The following SOX5 variants were observed in gnomAD, a reference collection of about 807,000 sequenced individuals.
SOX5 encodes the protein transcription factor SOX-5.
In SOX5, 9 loss-of-function variants were observed where a neutral mutation model predicts 92.0. That is an observed-to-expected ratio of 0.10 (90% CI 0.06 to 0.17). SOX5 has a LOEUF of 0.17. Among genes scored for constraint, SOX5 ranks in the 10% least tolerant of loss-of-function variants. The pLI is 1.00. For synonymous variants in SOX5, 344 were observed against 336.3 expected (o/e 1.02, Z -0.25); for missense variants, 642 against 944.5 (o/e 0.68, Z 4.20).
intron 11 of SOX5, among the ~76,000 whole-genome samples, chr12:23,553,162 ATTCTT>A (rs796570207): frequency 7.2e-5 from 11 of 152,008 alleles, no homozygotes; most frequent in African/African-American, 2.4e-4. Context: ...TAATTCCATA[ATTCTT>A]TTCTTAAATT....
At chr12:23,835,380 G>A (rs1033710702) in intron 3 of SOX5, among the ~76,000 whole-genome samples, 7 of 151,794 alleles carry the variant, frequency 4.6e-5, no homozygotes, top group African/African-American at 1.7e-4. Context: ...GTGATCTCAG[G>A]CATATATATC....
chr12:24,050,951 A>T (rs984529753), intron 4 of SOX5, among the ~76,000 whole-genome samples: 2 of 152,046 alleles, frequency 1.3e-5, no homozygotes, highest in African/African-American at 4.8e-5. Flanking sequence ...TACCAGAATA[A>T]TTTTTCTCCT....
intron 7 of SOX5, among the ~76,000 whole-genome samples, chr12:23,661,114 T>C (rs2082983855): frequency 6.6e-6 from 1 of 152,236 alleles, no homozygotes; most frequent in African/African-American, 2.4e-5. Context: ...TTTATAATTG[T>C]TTGTTTTATA....
chr12:24,233,698 G>A (rs1182748688), intron 3 of SOX5, among the ~76,000 whole-genome samples: 4 of 152,212 alleles, frequency 2.6e-5, no homozygotes, highest in Non-Finnish European at 4.4e-5. Flanking sequence ...AAATAAGACT[G>A]CAGTGAATGA....
intron 4 of SOX5, among the ~76,000 whole-genome samples, chr12:24,110,403 C>A (rs921325473): frequency 2.6e-5 from 4 of 152,150 alleles, no homozygotes; most frequent in African/African-American, 9.7e-5. Flanking sequence ...GTACAGTCAA[C>A]CTAAGTCCCA....
At chr12:24,534,162 TAC>T (rs908074236) in intron 1 of SOX5, among the ~76,000 whole-genome samples, 1 of 152,126 alleles carries the variant, frequency 6.6e-6, no homozygotes, top group African/African-American at 2.4e-5. Flanking sequence ...AAGTCCATCT[TAC>T]ATCATCACTC....
At chr12:24,056,226 C>T (rs1423180261) in intron 4 of SOX5, among the ~76,000 whole-genome samples, 1 of 152,122 alleles carries the variant, frequency 6.6e-6, no homozygotes, top group Non-Finnish European at 1.5e-5. Flanking sequence ...TGTTCCCCAC[C>T]TTTGAAAAGT....
intron 1 of SOX5, among the ~76,000 whole-genome samples, chr12:24,407,891 T>C (rs1170621860): frequency 2.0e-5 from 3 of 152,232 alleles, no homozygotes; most frequent in Admixed American, 6.5e-5. Context: ...TATCCAAGAC[T>C]TGGAATTTTT....
intron 2 of SOX5, among the ~76,000 whole-genome samples, chr12:24,310,536 AT>A (rs1949067977): frequency 6.6e-6 from 1 of 152,208 alleles, no homozygotes; most frequent in African/African-American, 2.4e-5. Flanking sequence ...ATATATACAC[AT>A]TTTATACATG....
At chr12:24,407,719 C>T (rs1448789533) in intron 1 of SOX5, among the ~76,000 whole-genome samples, 2 of 152,054 alleles carry the variant, frequency 1.3e-5, no homozygotes, top group African/African-American at 2.4e-5. Context: ...ACTATAGAAG[C>T]CTTAAAATCT....
intron 6 of SOX5, among the ~76,000 whole-genome samples, chr12:23,706,590 T>C (rs145696590): frequency 2.6e-5 from 4 of 152,164 alleles, no homozygotes; most frequent in Non-Finnish European, 4.4e-5. Context: ...AAATATGGAA[T>C]GAAAAATCAT....
At chr12:23,899,084 T>G (rs2097205700) in intron 1 of SOX5, among the ~76,000 whole-genome samples, 1 of 152,136 alleles carries the variant, frequency 6.6e-6, no homozygotes, top group African/African-American at 2.4e-5. Context: ...ATCAAAGTGT[T>G]GAAACACTTG....
intron 4 of SOX5, among the ~76,000 whole-genome samples, chr12:24,176,304 G>C (rs1173101630): frequency 6.6e-6 from 1 of 151,928 alleles, no homozygotes; most frequent in African/African-American, 2.4e-5. Flanking sequence ...ACTCCAGCCT[G>C]GGTAACAGGA....
At chr12:23,881,287 G>C (rs2096986516) in intron 2 of SOX5, among the ~76,000 whole-genome samples, 1 of 152,144 alleles carries the variant, frequency 6.6e-6, no homozygotes, top group African/African-American at 2.4e-5. Flanking sequence ...AAAGCCCCCT[G>C]AATTCTCACA....
At chr12:23,874,760 G>A (rs763784487) in intron 2 of SOX5, among the ~76,000 whole-genome samples, 10 of 152,190 alleles carry the variant, frequency 6.6e-5, no homozygotes, top group South Asian at 2.1e-4. Context: ...AACCTGAACC[G>A]GGACTGGGGA....
At position 23,734,697 on chromosome 12, in the gene SOX5, T is replaced by C; in HGVS notation, c.797A>G (p.Gln266Arg). Residue 266 changes from glutamine (Q) to arginine (R), a missense_variant, in exon 6 of 15, where the codon CAG becomes CGG. This residue lies in a region of SOX5 where 324 missense variants were observed against 461.6 expected (regional missense o/e 0.70). Coordinates refer to ENST00000451604, the MANE Select transcript of SOX5 (RefSeq NM_006940.6). ...LQQQHKINLL[Q>R]QQIQVQGQLP... ...ATGATTTCTGACCTGGATCTGTTGCTGGAGCAAATTGATTTTGTGTTGTTG... is the reference window on the plus strand; with the variant it reads ...ATGATTTCTGACCTGGATCTGTTGCCGGAGCAAATTGATTTTGTGTTGTTG... 1.2e-6 allele frequency: 2 copies of C among 1,612,342 alleles called. No homozygotes were observed. The highest frequency in any genetic ancestry group is 1.7e-6 in the Non-Finnish European group (2 of 1,178,834).
chr12:23,665,392 T>G, intron 7 of SOX5, 52 bp downstream of exon 7: 1 of 1,602,772 alleles, frequency 6.2e-7, no homozygotes, highest in Non-Finnish European at 8.5e-7. Context: ...AATTGCCTAA[T>G]TTAAAGCTTT....
intron 4 of SOX5, among the ~76,000 whole-genome samples, chr12:24,006,183 A>G (rs1193443131): frequency 1.3e-5 from 2 of 152,186 alleles, no homozygotes; most frequent in Non-Finnish European, 2.9e-5. Flanking sequence ...CACATAAAGA[A>G]GGTCCTCATC....
intron 3 of SOX5, among the ~76,000 whole-genome samples, chr12:23,825,202 C>T (rs1273142280): frequency 6.6e-6 from 1 of 152,144 alleles, no homozygotes; most frequent in Admixed American, 6.5e-5. Context: ...TGCTTGAAAC[C>T]CAGGGCCCTG....
Sources: gnomAD v4.1 joint callset for allele counts (sites outside exome capture counted in the v4.1 genomes callset) on GRCh38, gnomAD v4.1.1 for gene constraint, gnomAD v4.1.1 regional missense constraint, MANE v1.5 for transcripts, NCBI Gene and HGNC (gene_info 2026-07-23, HGNC 2026-07-21) for gene names.